Variants in AFDN observed in about 807,000 individuals in gnomAD.
AFDN encodes afadin, adherens junction formation factor, also known as afadin.
AFDN carries 68 observed loss-of-function variants against 216.6 expected under a neutral mutation model. That is an observed-to-expected ratio of 0.31 (90% CI 0.26 to 0.38). AFDN has a LOEUF of 0.38. Among genes scored for constraint, AFDN ranks in the 10% least tolerant of loss-of-function variants. The pLI is 1.00. For missense variants in AFDN, 2,136 were observed against 2,342.0 expected, an observed-to-expected ratio of 0.91 and a Z score of 1.82; for synonymous variants, 868 against 853.7, an observed-to-expected ratio of 1.02 and a Z score of -0.29.
At chr6:167,936,042 T>C (rs901657064) in intron 23 of AFDN, among the ~76,000 whole-genome samples, 14 of 152,224 alleles carry the variant, frequency 9.2e-5, no homozygotes, top group African/African-American at 3.1e-4. Context: ...TTTAATACCA[T>C]ATTTTATATT....
In AFDN at chr6:167,948,381, C is replaced by T; in HGVS notation, c.3734C>T (p.Ser1245Phe). 12 of 1,614,126 alleles carry T rather than the reference C, an allele frequency of 7.4e-6. 1 individual carries two copies. In the South Asian group the frequency reaches 8.8e-5, roughly 12 times the overall value. ...TATTTTACCTTCCCAGCTTCCAAAT[C>T]CCAGGATCGGATGGCTCCTCCTCAG... ...REYFTFPASK[S>F]QDRMAPPQNQ... The change falls in exon 29 of 34, where the codon TCC becomes TTC. Residue 1245 changes from serine to phenylalanine, a missense_variant. Physicochemically the swap from Ser to Phe is radical, Grantham distance 155. Around this residue, in one of 8 missense-constraint regions of AFDN, gnomAD observed 981 missense variants for 966.0 expected, o/e 1.02. Transcript: ENST00000683244.
At chr6:167,852,664 T>C (rs1375067141) in intron 1 of AFDN, among the ~76,000 whole-genome samples, 1 of 152,276 alleles carries the variant, frequency 6.6e-6, no homozygotes, top group African/African-American at 2.4e-5. Flanking sequence ...TTAAAAGATA[T>C]GTAGACATAA....
In AFDN at chr6:167,943,157, A is replaced by T; in HGVS notation, c.3128A>T (p.Tyr1043Phe). The part of the protein sequence containing the change: ...KGAGQDKLGI[Y>F]VKSVVKGGAA... The stretch of plus-strand genomic sequence containing the variant: ...GCTGGTCAAGATAAACTAGGAATCT[A>T]TGTGAAGTCGGTTGTGAAAGGAGGT... Residue 1043 changes from tyrosine (Y) to phenylalanine (F), a missense_variant, in exon 24 of 34, where the codon TAT (tyrosine) becomes TTT (phenylalanine). Tyr to Phe is a conservative substitution (Grantham distance 22). This residue lies in a region of AFDN where 74 missense variants were observed against 98.8 expected (regional missense o/e 0.75). Transcript: ENST00000683244. The T allele has an allele frequency of 6.2e-7, 1 of 1,614,022 alleles. No individual in the cohort carries two copies. Among genetic ancestry groups the T allele is most frequent in the Non-Finnish European group, 8.5e-7 (1 of 1,179,934 alleles).
chr6:167,874,806 G>T (rs891482116), intron 4 of AFDN, among the ~76,000 whole-genome samples: 3 of 151,710 alleles, frequency 2.0e-5, no homozygotes, highest in Non-Finnish European at 4.4e-5. Flanking sequence ...GTAGAGACGG[G>T]GTTTCTCCAT....
chr6:167,844,858 T>TG (rs1781470842), intron 1 of AFDN, among the ~76,000 whole-genome samples: 2 of 144,614 alleles, frequency 1.4e-5, no homozygotes, highest in African/African-American at 5.1e-5. Context: ...TCTTTTTTTT[T>TG]TTTTTTTTTT....
At chr6:167,966,278 TAA>T (rs2128764834) in intron 32 of AFDN, 1 of 1,504,282 alleles carries the variant, frequency 6.6e-7, no homozygotes, top group Non-Finnish European at 8.9e-7. Flanking sequence ...AAGGTAGAGG[TAA>T]AAGAGTGACA....
intron 1 of AFDN, among the ~76,000 whole-genome samples, chr6:167,840,942 C>T (rs1306059538): frequency 6.6e-6 from 1 of 152,170 alleles, no homozygotes; most frequent in Non-Finnish European, 1.5e-5. Context: ...GATGGACCTC[C>T]GTGGCATCTG....
At chr6:167,885,389 T>C (rs1475729144) in intron 6 of AFDN, among the ~76,000 whole-genome samples, 3 of 152,220 alleles carry the variant, frequency 2.0e-5, no homozygotes, top group Non-Finnish European at 2.9e-5. Flanking sequence ...AATTTTTAGC[T>C]TTTGATTGAA....
In AFDN at chr6:167,969,920, A is replaced by G; in HGVS notation, c.5481A>G (p.Glu1827=). ...GTAAATTAACAGAACTGGAGAATGA[A>G]CTGAACACAAAGTGAAAGAAAATGA... ...ASRKLTELEN[E]LNTK Residue 1827 remains glutamate, a synonymous_variant, in exon 34 of 34, where the codon GAA becomes GAG. Coordinates refer to ENST00000683244, the MANE Select transcript of AFDN (RefSeq NM_001386888.1). 1 of 1,608,900 alleles carries G rather than the reference A, an allele frequency of 6.2e-7. No homozygotes were observed. Among genetic ancestry groups the G allele is most frequent in the Non-Finnish European group, 8.5e-7 (1 of 1,178,634 alleles).
At chr6:167,963,146 C>T in intron 31 of AFDN, 1 of 1,065,876 alleles carries the variant, frequency 9.4e-7, no homozygotes, top group Non-Finnish European at 1.1e-6. Flanking sequence ...AATCAAGTAA[C>T]CCTTTTAATT....
intron 1 of AFDN, chr6:167,828,065 C>G (rs1779396937): frequency 6.6e-6 from 1 of 152,204 alleles, no homozygotes; most frequent in Admixed American, 6.5e-5. Context: ...GGGAGCAACC[C>G]TGTAAATCGC....
intron 12 of AFDN, among the ~76,000 whole-genome samples, chr6:167,903,731 G>GA (rs560750105): frequency 1.1e-3 from 170 of 151,134 alleles, no homozygotes; most frequent in Non-Finnish European, 1.5e-3. Context: ...GCTTCTTGGG[G>GA]AAAAAAAAAT....
chr6:167,851,225 A>T (rs1288315433), intron 1 of AFDN, among the ~76,000 whole-genome samples: 1 of 152,102 alleles, frequency 6.6e-6, no homozygotes, highest in East Asian at 1.9e-4. Context: ...TTTGCTAGAG[A>T]TAGGTTTTTT....
chr6:167,837,112 T>C lies in AFDN; in HGVS notation c.105+9875T>C, dbSNP rs951197242. ...CATGACATTGTTAGTTTTGAGAATA[T>C]GAAGGACAGTGAAATTAAGACTAGT... On this transcript the variant is annotated intron_variant, in intron 1 of 33. Coordinates refer to ENST00000683244, the MANE Select transcript of AFDN (RefSeq NM_001386888.1). Among the ~76,000 whole-genome samples, 5 of 152,282 alleles carry C rather than the reference T, an allele frequency of 3.3e-5. No homozygotes were observed. The East Asian group carries it at 5.8e-4, about 18-fold the overall frequency.
At chr6:167,895,272 G>A (rs1788100270) in intron 9 of AFDN, among the ~76,000 whole-genome samples, 1 of 152,022 alleles carries the variant, frequency 6.6e-6, no homozygotes. Context: ...CTTAACTAGG[G>A]GGGTTCATTA....
Position 167,890,926 on chromosome 6 carries a change from C to T in AFDN, c.1074C>T (p.His358=), listed in dbSNP as rs934642859. 4 of 1,613,984 alleles carry T rather than the reference C, an allele frequency of 2.5e-6. No individual in the cohort carries two copies. The highest frequency in any genetic ancestry group is 3.3e-5 in the Admixed American group (2 of 59,988). The change falls in exon 8 of 34, where the codon CAC becomes CAT. Residue 358 remains histidine, a synonymous_variant. Transcript: ENST00000683244. ...PDHIPKKTKK[H]LEGKTPKGKE... ...ACATCCCAAAGAAAACCAAGAAACA[C>T]TTGGAAGGCAAGACACCCAAGGGAA...
chr6:167,966,673 A>C (rs1031450041), intron 32 of AFDN, among the ~76,000 whole-genome samples: 2 of 152,124 alleles, frequency 1.3e-5, no homozygotes, highest in Non-Finnish European at 2.9e-5. Flanking sequence ...AAAGGTTATA[A>C]TTCTATTATA....
At chr6:167,946,411 GA>G (rs1283667566) in intron 26 of AFDN, among the ~76,000 whole-genome samples, 1 of 151,916 alleles carries the variant, frequency 6.6e-6, no homozygotes, top group Non-Finnish European at 1.5e-5. Flanking sequence ...TATCTTTATT[GA>G]TTTTTTTTTT....
chr6:167,865,932 T>C (rs1388580638), intron 2 of AFDN, among the ~76,000 whole-genome samples: 1 of 151,662 alleles, frequency 6.6e-6, no homozygotes, highest in Non-Finnish European at 1.5e-5. Context: ...AGGCCATTTT[T>C]TGTTGTTGTT....
Sources: gnomAD v4.1 joint callset for allele counts (sites outside exome capture counted in the v4.1 genomes callset) on GRCh38, gnomAD v4.1.1 for gene constraint, gnomAD v4.1.1 regional missense constraint, MANE v1.5 for transcripts, NCBI Gene and HGNC (gene_info 2026-07-23, HGNC 2026-07-21) for gene names.